Variants in MRPS25 observed in about 807,000 individuals in gnomAD.
The protein encoded by MRPS25 is small ribosomal subunit protein mS25.
A neutral mutation model predicts 17.3 loss-of-function variants in MRPS25; 15 were observed. That is an observed-to-expected ratio of 0.87 (90% confidence interval 0.58 to 1.34). The LOEUF is 1.34. Among genes scored for constraint, MRPS25 ranks in the 40% most tolerant of loss-of-function variants. The pLI, the probability that MRPS25 is intolerant of heterozygous loss-of-function variation, is 0.00. For missense variants in MRPS25, 225 were observed against 218.6 expected (o/e 1.03, Z -0.19); for synonymous variants, 94 against 83.3 (o/e 1.13, Z -0.70).
At chr3:15,058,439 T>C (rs967849895) in intron 2 of MRPS25, among the ~76,000 whole-genome samples, 2 of 152,234 alleles carry the variant, frequency 1.3e-5, no homozygotes, top group Non-Finnish European at 2.9e-5. Flanking sequence ...TCCACCCTCC[T>C]CGGCCTCCCA....
downstream of MRPS25, chr3:15,047,453 C>G (rs2042496242): frequency 6.6e-6 from 1 of 152,176 alleles, no homozygotes; most frequent in Admixed American, 6.5e-5. Flanking sequence ...TTTCATGCAC[C>G]TATTCATGGC....
rs1250009604 is a variant in MRPS25 at position 15,050,907 on chromosome 3, ACAT to A, written c.*1531_*1533del. ...AGTTAATGAAACACATCGTAGTATG[ACAT>A]CATTTCACCAGCCAGCTACTTCATG... On this transcript the variant is annotated 3_prime_UTR_variant, in exon 4 of 4. Coordinates refer to ENST00000253686, the MANE Select transcript of MRPS25 (RefSeq NM_022497.5). 3.0e-6 allele frequency: 3 copies of A among 985,324 alleles called. No homozygotes were observed. Among genetic ancestry groups the A allele is most frequent in the African/African-American group, 1.7e-5 (1 of 57,234 alleles). 61.0% of individuals were successfully genotyped at this position (985,324 alleles called of 1,614,324 possible). A position where few individuals can be genotyped will look rare whatever the true frequency, so the allele number is the denominator to read the frequency against.
In MRPS25 at chr3:15,065,163, C is replaced by G; in HGVS notation, c.32G>C (p.Arg11Pro). 1.2e-6 allele frequency: 2 copies of G among 1,606,392 alleles called. No homozygotes were observed. Among genetic ancestry groups the G allele is most frequent in the Non-Finnish European group, 1.7e-6 (2 of 1,176,612 alleles). Residue 11 changes from arginine to proline, a missense_variant, in exon 1 of 4, where the codon CGC (arginine) becomes CCC (proline). Arg to Pro is a moderately radical substitution (Grantham distance 103, BLOSUM62 -2). Coordinates refer to ENST00000253686, the MANE Select transcript of MRPS25 (RefSeq NM_022497.5). MPMKGRFPIR[R>P]TLQYLSQGNV... is the part of the protein sequence containing the mutation. ...CCCCTGGCTCAGATATTGCAGGGTG[C>G]GGCGGATGGGGAAGCGGCCCTTCAT...
intron 1 of MRPS25, among the ~76,000 whole-genome samples, chr3:15,061,389 T>C (rs953912088): frequency 1.3e-5 from 2 of 152,200 alleles, no homozygotes; most frequent in Admixed American, 6.5e-5. Flanking sequence ...CTGGTTTTCG[T>C]ATTTTTTTGG....
In MRPS25 at chr3:15,048,524, G is replaced by T. The variant is rs1195854070; in HGVS notation, c.*3917C>A. On this transcript the variant is annotated 3_prime_UTR_variant, in exon 4 of 4. Coordinates refer to ENST00000253686, the MANE Select transcript of MRPS25 (RefSeq NM_022497.5). ...TATACATGCAAAATAGAAAAAAAAT[G>T]TTCAACATTTATTGATTGATAGACT... is the stretch of plus-strand genomic sequence containing the variant. The T allele has an allele frequency of 6.6e-6, 1 of 152,532 alleles. No individual in the cohort carries two copies. Among genetic ancestry groups the T allele is most frequent in the East Asian group, 1.9e-4 (1 of 5,200 alleles). The allele number at this position is 152,532 out of a possible 1,614,324, so 9.4% of individuals were successfully genotyped here. A position where few individuals can be genotyped will look rare whatever the true frequency, so the allele number is the denominator to read the frequency against.
At position 15,050,016 on chromosome 3, in the gene MRPS25, A is replaced by C. The variant is rs915286920; in HGVS notation, c.*2425T>G. The C allele has an allele frequency of 1.1e-5, 16 of 1,465,908 alleles. No individual in the cohort carries two copies. The African/African-American group carries it at 2.2e-4, about 20-fold the overall frequency. The allele number at this position is 1,465,908 out of a possible 1,614,324, so 90.8% of individuals were successfully genotyped here. Reference sequence around the variant, plus strand: ...AAGTAAAATTAAGAACATGTTATCAATTATAAAATCCTCACATTTTCTCTA... The same window carrying C: ...AAGTAAAATTAAGAACATGTTATCACTTATAAAATCCTCACATTTTCTCTA... On this transcript the variant is annotated 3_prime_UTR_variant, in exon 4 of 4. Coordinates refer to ENST00000253686, the MANE Select transcript of MRPS25 (RefSeq NM_022497.5).
chr3:15,043,640 G>A (rs564104093), downstream of MRPS25: 76 of 152,728 alleles, frequency 5.0e-4, no homozygotes, highest in African/African-American at 1.6e-3. Context: ...GAATGGAAAC[G>A]TGGCTCATTT....
Position 15,052,219 on chromosome 3 carries a change from A to G in MRPS25, c.*222T>C. On this transcript the variant is annotated 3_prime_UTR_variant, in exon 4 of 4. Transcript: ENST00000253686. Reference sequence around the variant, plus strand: ...GATACACGCCAAGCTGCTATTAGGAAGCGTTTTATTGACCAGCAGAGCAGG... The same window carrying G: ...GATACACGCCAAGCTGCTATTAGGAGGCGTTTTATTGACCAGCAGAGCAGG... 12 of 1,274,974 alleles carry G rather than the reference A, an allele frequency of 9.4e-6. 1 individual carries two copies. In the South Asian group the frequency reaches 3.5e-4, roughly 38 times the overall value. The allele number at this position is 1,274,974 out of a possible 1,614,324, so 79.0% of individuals were successfully genotyped here.
downstream of MRPS25, chr3:15,046,319 C>G (rs1348129178): frequency 6.6e-6 from 1 of 152,224 alleles, no homozygotes; most frequent in Admixed American, 6.5e-5. Context: ...TCTTCTGAGG[C>G]AGTTAGGACA....
intron 1 of MRPS25, among the ~76,000 whole-genome samples, chr3:15,061,748 C>G (rs1180721348): frequency 6.6e-6 from 1 of 151,598 alleles, no homozygotes; most frequent in Non-Finnish European, 1.5e-5. Flanking sequence ...TCTGCCCGGC[C>G]GCCCATCGTC....
rs1196900285 is a variant in MRPS25 at position 15,050,911 on chromosome 3, C to G, written c.*1530G>C. The stretch of plus-strand genomic sequence containing the variant: ...AATGAAACACATCGTAGTATGACAT[C>G]ATTTCACCAGCCAGCTACTTCATGT... On this transcript the variant is annotated 3_prime_UTR_variant, in exon 4 of 4. Transcript: ENST00000253686. The G allele has an allele frequency of 1.4e-5, 14 of 985,298 alleles. No homozygotes were observed. Among genetic ancestry groups the G allele is most frequent in the African/African-American group, 5.2e-5 (3 of 57,220 alleles). The allele number at this position is 985,298 out of a possible 1,614,324, so 61.0% of individuals were successfully genotyped here.
chr3:15,056,808 GC>G (rs1187347846), intron 2 of MRPS25, among the ~76,000 whole-genome samples: 2 of 152,230 alleles, frequency 1.3e-5, no homozygotes, highest in Non-Finnish European at 2.9e-5. Context: ...TGTTACAGCA[GC>G]CCTGGGACAT....
At chr3:15,045,253 C>T (rs1220026183), downstream of MRPS25, 1 of 152,148 alleles carries the variant, frequency 6.6e-6, no homozygotes, top group African/African-American at 2.4e-5. Context: ...CCTGGGAATA[C>T]AAGCATAACA....
rs2042631747 is a variant in MRPS25, at chr3:15,053,415, G to A, written c.294C>T (p.Ile98=). The A allele has an allele frequency of 1.2e-6, 2 of 1,614,056 alleles. No homozygotes were observed. The highest frequency in any genetic ancestry group is 1.7e-6 in the Non-Finnish European group (2 of 1,180,030). Residue 98 remains isoleucine (I), a synonymous_variant, in exon 3 of 4, where the codon ATC becomes ATT. Coordinates refer to ENST00000253686, the MANE Select transcript of MRPS25 (RefSeq NM_022497.5). ...CCAAGATTTTTCTGATGTGCTCCAT[G>A]ATCTCCTTATTGCTCTTGGTCTCCA... ...VDVETKSNKE[I]MEHIRKILGK...
At chr3:15,058,497 T>C (rs1301747859) in intron 2 of MRPS25, among the ~76,000 whole-genome samples, 1 of 152,176 alleles carries the variant, frequency 6.6e-6, no homozygotes, top group Non-Finnish European at 1.5e-5. Context: ...CCCTAATCTT[T>C]TGTTAAAATT....
intron 1 of MRPS25, among the ~76,000 whole-genome samples, chr3:15,064,738 G>C (rs1052249003): frequency 2.0e-5 from 3 of 152,252 alleles, no homozygotes; most frequent in African/African-American, 7.2e-5. Flanking sequence ...CCCCTCCCCA[G>C]CGCTTGCCTT....
In MRPS25 at chr3:15,053,405, T is replaced by C; in HGVS notation, c.304A>G (p.Ile102Val). 6.2e-7 allele frequency: 1 copy of C among 1,614,216 alleles called. No individual in the cohort carries two copies. Among genetic ancestry groups the C allele is most frequent in the Non-Finnish European group, 8.5e-7 (1 of 1,180,036 alleles). Residue 102 changes from isoleucine (I) to valine (V), a missense_variant, in exon 3 of 4, where the codon ATC becomes GTC. Physicochemically the swap from Ile to Val is conservative, Grantham distance 29. Transcript: ENST00000253686. ...TCATTCTTCCCCAAGATTTTTCTGA[T>C]GTGCTCCATGATCTCCTTATTGCTC... is the stretch of plus-strand genomic sequence containing the variant. ...TKSNKEIMEHIRKILGKNEET... is the reference protein window; with the variant it reads ...TKSNKEIMEHVRKILGKNEET...
intron 2 of MRPS25, among the ~76,000 whole-genome samples, chr3:15,057,777 A>AT (rs915113663): frequency 3.3e-5 from 5 of 152,218 alleles, no homozygotes; most frequent in African/African-American, 1.2e-4. Context: ...ACTGAAGTAA[A>AT]TTGCACCTCA....
chr3:15,052,547 C>T lies in MRPS25; in HGVS notation c.416G>A (p.Cys139Tyr). 1.9e-6 allele frequency: 3 copies of T among 1,614,206 alleles called. No homozygotes were observed. In the South Asian group the frequency reaches 3.3e-5, roughly 18 times the overall value. Reference sequence around the variant, plus strand: ...CACCTGCCCTTCCACTTCACAGATGCACTCCCGCAGGCAGTACTTTCGAGG... The same window carrying T: ...CACCTGCCCTTCCACTTCACAGATGTACTCCCGCAGGCAGTACTTTCGAGG... ...FGPRKYCLRE[C>Y]ICEVEGQVPC... Residue 139 changes from cysteine (C) to tyrosine (Y), a missense_variant, in exon 4 of 4, where the codon TGC (cysteine) becomes TAC (tyrosine). Coordinates refer to ENST00000253686, the MANE Select transcript of MRPS25 (RefSeq NM_022497.5).
Sources: gnomAD v4.1 joint callset for allele counts (sites outside exome capture counted in the v4.1 genomes callset) on GRCh38, gnomAD v4.1.1 for gene constraint, MANE v1.5 for transcripts, NCBI Gene and HGNC (gene_info 2026-07-23, HGNC 2026-07-21) for gene names.